Variants in GGTA1 observed in about 807,000 individuals in gnomAD.
The protein encoded by GGTA1 is inactive N-acetyllactosaminide alpha-1,3-galactosyltransferase.
In GGTA1, 5 loss-of-function variants were observed where a neutral mutation model predicts 2.6. The observed-to-expected ratio is 1.92, with a 90% CI of 1.00 to 4.04. The LOEUF (loss-of-function observed/expected upper bound fraction) is 4.04. GGTA1 is among the 30% of genes most tolerant of loss of function. The probability of loss-of-function intolerance (pLI) is 0.00; values close to 1 mark genes in which losing one functional copy is unlikely to be tolerated. For missense variants in GGTA1, 50 were observed against 16.7 expected (o/e 2.99, Z -3.47); for synonymous variants, 17 against 5.0 (o/e 3.38, Z -3.19).
chr9:121,446,075 C>G (rs2064851135), exon 8 of GGTA1: 1 of 152,244 alleles, frequency 6.6e-6, no homozygotes, highest in Non-Finnish European at 1.5e-5. Flanking sequence ...GTTCAAGTCC[C>G]TGAACATAGG....
At chr9:121,475,392 C>T (rs1828487375) in intron 1 of GGTA1, among the ~76,000 whole-genome samples, 2 of 152,192 alleles carry the variant, frequency 1.3e-5, no homozygotes. Context: ...GCTGCTCTGC[C>T]TATGGAGCAG....
chr9:121,448,560 G>A (rs1326370748), intron 7 of GGTA1, among the ~76,000 whole-genome samples: 1 of 152,164 alleles, frequency 6.6e-6, no homozygotes, highest in African/African-American at 2.4e-5. Flanking sequence ...AAAGGACTAT[G>A]TTAGCAGTAA....
intron 1 of GGTA1, among the ~76,000 whole-genome samples, chr9:121,480,065 T>TCTTTTC (rs1554837666): frequency 2.0e-5 from 3 of 149,506 alleles, no homozygotes; most frequent in East Asian, 1.9e-4. Context: ...TCTTTTCTTT[T>TCTTTTC]TTTTTTTTGA....
intron 7 of GGTA1, among the ~76,000 whole-genome samples, chr9:121,448,669 G>A (rs1025128741): frequency 1.3e-5 from 2 of 152,114 alleles, no homozygotes; most frequent in African/African-American, 2.4e-5. Context: ...TTTTAGAGAA[G>A]TTTTATGTTC....
At chr9:121,474,208 G>A (rs1828458719) in intron 1 of GGTA1, among the ~76,000 whole-genome samples, 1 of 151,996 alleles carries the variant, frequency 6.6e-6, no homozygotes, top group Non-Finnish European at 1.5e-5. Flanking sequence ...CAGTTGCACA[G>A]CCTGCAATGG....
intron 1 of GGTA1, among the ~76,000 whole-genome samples, chr9:121,495,088 T>A (rs1274877131): frequency 6.6e-6 from 1 of 151,768 alleles, no homozygotes; most frequent in Non-Finnish European, 1.5e-5. Flanking sequence ...CCCAACTAAT[T>A]TTTGTATTTT....
chr9:121,451,650 G>A (rs2064878873), downstream of GGTA1, among the ~76,000 whole-genome samples: 1 of 152,232 alleles, frequency 6.6e-6, no homozygotes, highest in Non-Finnish European at 1.5e-5. Flanking sequence ...AGTGATCTGA[G>A]GAACCCATGG....
At chr9:121,480,361 T>C (rs1226575167) in intron 1 of GGTA1, among the ~76,000 whole-genome samples, 1 of 152,216 alleles carries the variant, frequency 6.6e-6, no homozygotes, top group Non-Finnish European at 1.5e-5. Flanking sequence ...CGGTGGGCAG[T>C]AGATTTTCCA....
At chr9:121,463,368 T>C (rs1465862238) in intron 2 of GGTA1, 40 bp from the exon 3 acceptor site, 1 of 449,702 alleles carries the variant, frequency 2.2e-6, no homozygotes, top group Non-Finnish European at 4.5e-6. Flanking sequence ...CATGTTACTT[T>C]TAATTCTGAG....
chr9:121,465,008 A>AC (rs1273746556), intron 2 of GGTA1, among the ~76,000 whole-genome samples: 15 of 151,800 alleles, frequency 9.9e-5, no homozygotes, highest in African/African-American at 3.4e-4. Flanking sequence ...AAACAAACAA[A>AC]AAAAAAAAAA....
intron 1 of GGTA1, among the ~76,000 whole-genome samples, chr9:121,488,331 G>A (rs1456319865): frequency 2.0e-5 from 3 of 152,144 alleles, no homozygotes; most frequent in East Asian, 1.9e-4. Context: ...ATCAATTCAT[G>A]TTCATTGAGG....
At chr9:121,466,877 T>C (rs1442729689) in intron 2 of GGTA1, among the ~76,000 whole-genome samples, 1 of 149,910 alleles carries the variant, frequency 6.7e-6, no homozygotes, top group Non-Finnish European at 1.5e-5. Context: ...TGCTTGAACC[T>C]GGAAGGCAGA....
chr9:121,465,883 A>C (rs1209797058), intron 2 of GGTA1, among the ~76,000 whole-genome samples: 4 of 152,068 alleles, frequency 2.6e-5, no homozygotes, highest in Non-Finnish European at 4.4e-5. Flanking sequence ...AATTCTCCCA[A>C]CAACCCTATG....
chr9:121,463,830 C>T (rs2064980444), intron 2 of GGTA1, among the ~76,000 whole-genome samples: 1 of 152,122 alleles, frequency 6.6e-6, no homozygotes, highest in South Asian at 2.1e-4. Context: ...ATGCCGTGGC[C>T]CAGACATCCT....
At chr9:121,477,573 CTTTTTTTTTT>C (rs34446366) in intron 1 of GGTA1, among the ~76,000 whole-genome samples, 2 of 101,494 alleles carry the variant, frequency 2.0e-5, no homozygotes, top group Non-Finnish European at 3.5e-5. Flanking sequence ...TGCAACCTTG[CTTTTTTTTTT>C]TTTTTTTTTT....
chr9:121,460,662 T>C (rs2118668369), intron 4 of GGTA1, among the ~76,000 whole-genome samples: 1 of 152,216 alleles, frequency 6.6e-6, no homozygotes, highest in East Asian at 1.9e-4. Context: ...CTGGCCAACG[T>C]GGTGAAACCC....
downstream of GGTA1, among the ~76,000 whole-genome samples, chr9:121,454,515 C>A (rs1166031355): frequency 1.3e-5 from 2 of 152,160 alleles, no homozygotes. Context: ...AAGAAACTAG[C>A]ACAGATAAGT....
At chr9:121,475,101 C>A (rs188692575) in intron 1 of GGTA1, among the ~76,000 whole-genome samples, 46 of 152,228 alleles carry the variant, frequency 3.0e-4, no homozygotes, top group African/African-American at 1.1e-3. Flanking sequence ...CAGGATGAAA[C>A]CGGAAACCAG....
intron 1 of GGTA1, among the ~76,000 whole-genome samples, chr9:121,475,611 A>G (rs1828494396): frequency 1.3e-5 from 2 of 152,210 alleles, no homozygotes; most frequent in African/African-American, 2.4e-5. Flanking sequence ...ATTAACAAAC[A>G]TGGACTAGGC....
Sources: gnomAD v4.1 joint callset for allele counts (sites outside exome capture counted in the v4.1 genomes callset) on GRCh38, gnomAD v4.1.1 for gene constraint, MANE v1.5 for transcripts, NCBI Gene and HGNC (gene_info 2026-07-23, HGNC 2026-07-21) for gene names.